KCNA2: variants seen among roughly 807,000 people sequenced by gnomAD.
KCNA2 encodes the protein potassium voltage-gated channel subfamily A member 2, also known as potassium channel, voltage gated shaker related subfamily A, member 2.
Under a neutral mutation model 33.4 loss-of-function variants are expected in KCNA2, and 11 were observed. The ratio of observed to expected loss-of-function variants is 0.33; its 90% CI spans 0.21 to 0.55. KCNA2 has a LOEUF of 0.55. KCNA2 is among the 20% of genes least tolerant of loss of function. The pLI is 0.93. For missense variants in KCNA2, 291 were observed against 621.6 expected (o/e 0.47, Z 5.66); for synonymous variants, 222 against 231.3 (o/e 0.96, Z 0.37).
intron 1 of KCNA2, among the ~76,000 whole-genome samples, chr1:110,624,966 C>T (rs138580611): frequency 3.3e-5 from 5 of 152,322 alleles, no homozygotes; most frequent in African/African-American, 1.2e-4. Context: ...AAGCCTGGGG[C>T]TGCCAATAGA....
intron 1 of KCNA2, among the ~76,000 whole-genome samples, chr1:110,614,112 T>C (rs1438986054): frequency 3.3e-5 from 5 of 152,210 alleles, no homozygotes; most frequent in Non-Finnish European, 7.3e-5. Context: ...TCCCCTCCCC[T>C]GCACCTTGCA....
At position 110,601,679 on chromosome 1, in the gene KCNA2, AG is replaced by A; in HGVS notation, c.*1603del. 9.3e-7 allele frequency: 1 copy of A among 1,080,752 alleles called. No individual in the cohort carries two copies. Among genetic ancestry groups the A allele is most frequent in the South Asian group, 4.5e-5 (1 of 22,362 alleles). The allele number at this position is 1,080,752 out of a possible 1,614,324, so 66.9% of individuals were successfully genotyped here. ...AGGCAATGGCAGCAAACCCAGGCCC[AG>A]TGGGGTTACCAATGAGACAAATTAA... On this transcript the variant is annotated 3_prime_UTR_variant, in exon 3 of 3. Coordinates refer to ENST00000316361, the MANE Select transcript of KCNA2 (RefSeq NM_004974.4).
rs1206099671 is a variant in KCNA2, at chr1:110,603,341, T to C, written c.1442A>G (p.Asn481Ser). 6.2e-7 allele frequency: 1 copy of C among 1,613,768 alleles called. No individual in the cohort carries two copies. The highest frequency in any genetic ancestry group is 1.1e-5 in the South Asian group (1 of 90,916). ...ATAGTTTGTGTTAGCCAAGGTACAG[T>C]TGGCTGTTTTCAAGTTTTCCTCTCT... Reference protein sequence around the residue: ...DFREENLKTANCTLANTNYVN... With the variant: ...DFREENLKTASCTLANTNYVN... Residue 481 changes from asparagine to serine, a missense_variant, in exon 3 of 3, where the codon AAC (asparagine) becomes AGC (serine). Asn to Ser is a conservative substitution (Grantham distance 46, BLOSUM62 1). This residue lies in a region of KCNA2 where 65 missense variants were observed against 95.1 expected (regional missense o/e 0.68). Coordinates refer to ENST00000316361, the MANE Select transcript of KCNA2 (RefSeq NM_004974.4). The surrounding 1 kb of genome is among the most constrained non-coding windows in gnomAD (Gnocchi z 5.7).
At chr1:110,618,204 G>T (rs1308059346) in intron 1 of KCNA2, among the ~76,000 whole-genome samples, 1 of 152,132 alleles carries the variant, frequency 6.6e-6, no homozygotes, top group African/African-American at 2.4e-5. Context: ...AAAATTATCT[G>T]GGCATGATGG....
intron 1 of KCNA2, among the ~76,000 whole-genome samples, chr1:110,614,906 CAT>C (rs1352220787): frequency 6.6e-6 from 1 of 152,218 alleles, no homozygotes; most frequent in Non-Finnish European, 1.5e-5. Context: ...TACCCCAACA[CAT>C]GTCACTGCCT....
upstream of KCNA2, among the ~76,000 whole-genome samples, chr1:110,608,818 G>C (rs1275764036): frequency 1.3e-5 from 2 of 152,304 alleles, no homozygotes; most frequent in Non-Finnish European, 2.9e-5. Flanking sequence ...GCCCTCCTCT[G>C]AAAAATCAGG....
chr1:110,626,325 T>C (rs1650389713), intron 1 of KCNA2, among the ~76,000 whole-genome samples: 1 of 152,158 alleles, frequency 6.6e-6, no homozygotes, highest in African/African-American at 2.4e-5. Flanking sequence ...TCTGGATATA[T>C]TATAAAGTGA....
At position 110,599,471 on chromosome 1, in the gene KCNA2, G is replaced by A; in HGVS notation, c.*3812C>T. 1.0e-6 allele frequency: 1 copy of A among 985,436 alleles called. No individual in the cohort carries two copies. The highest frequency in any genetic ancestry group is 1.2e-6 in the Non-Finnish European group (1 of 829,948). The allele number at this position is 985,436 out of a possible 1,614,324, so 61.0% of individuals were successfully genotyped here. ...GGCATCCAGGGGAGCCCAACAAGAG[G>A]AAAAGGAAGAGCGTGCCCGGGATTG... On this transcript the variant is annotated 3_prime_UTR_variant, in exon 3 of 3. Coordinates refer to ENST00000316361, the MANE Select transcript of KCNA2 (RefSeq NM_004974.4).
chr1:110,605,259 C>G (rs546233969), intron 2 of KCNA2, 132 bp downstream of exon 2: 1 of 162,886 alleles, frequency 6.1e-6, no homozygotes, highest in South Asian at 1.8e-4. Context: ...CTCCCAGGTG[C>G]TGCACTAATG....
Position 110,602,238 on chromosome 1 carries a change from T to G in KCNA2, c.*1045A>C. 1.5e-6 allele frequency: 2 copies of G among 1,293,000 alleles called. No individual in the cohort carries two copies. Among genetic ancestry groups the G allele is most frequent in the Non-Finnish European group, 2.0e-6 (2 of 1,008,974 alleles). 80.1% of individuals were successfully genotyped at this position (1,293,000 alleles called of 1,614,324 possible). On this transcript the variant is annotated 3_prime_UTR_variant, in exon 3 of 3. Coordinates refer to ENST00000316361, the MANE Select transcript of KCNA2 (RefSeq NM_004974.4). ...TTTTAGTTCCATTCCAAATAGTCTA[T>G]TTTTTTTCCCCTGATGGAGGGATTT...
In KCNA2 at chr1:110,602,738, T is replaced by C. The variant is rs953069919; in HGVS notation, c.*545A>G. On this transcript the variant is annotated 3_prime_UTR_variant, in exon 3 of 3. Transcript: ENST00000316361. ...AACACAAGCCTCCAGAGCATCTACT[T>C]GGCAACTGCAATTCACAAACTCCAG... The C allele has an allele frequency of 8.1e-6, 8 of 992,288 alleles. No individual in the cohort carries two copies. Among genetic ancestry groups the C allele is most frequent in the Non-Finnish European group, 9.6e-6 (8 of 834,520 alleles). 61.5% of individuals were successfully genotyped at this position (992,288 alleles called of 1,614,324 possible).
In KCNA2 at chr1:110,601,593, G is replaced by A; in HGVS notation, c.*1690C>T. 1 of 991,838 alleles carries A rather than the reference G, an allele frequency of 1.0e-6. No homozygotes were observed. The highest frequency in any genetic ancestry group is 1.2e-6 in the Non-Finnish European group (1 of 834,264). The allele number at this position is 991,838 out of a possible 1,614,324, so 61.4% of individuals were successfully genotyped here. A position where few individuals can be genotyped will look rare whatever the true frequency, so the allele number is the denominator to read the frequency against. On this transcript the variant is annotated 3_prime_UTR_variant, in exon 3 of 3. Transcript: ENST00000316361. Reference sequence around the variant, plus strand: ...TTCAGCCATGGGAACTGAAGCTGCAGCACATGGAGGGCAGAAAGACAATTC... The same window carrying A: ...TTCAGCCATGGGAACTGAAGCTGCAACACATGGAGGGCAGAAAGACAATTC...
At chr1:110,620,871 C>T (rs1650239767) in intron 1 of KCNA2, among the ~76,000 whole-genome samples, 2 of 152,220 alleles carry the variant, frequency 1.3e-5, no homozygotes, top group Admixed American at 6.5e-5. Flanking sequence ...CGTCTATCCA[C>T]CGTTAACAAC....
chr1:110,623,575 T>C (rs565212847), intron 1 of KCNA2, among the ~76,000 whole-genome samples: 5 of 152,208 alleles, frequency 3.3e-5, no homozygotes, highest in Non-Finnish European at 5.9e-5. Context: ...AATTACTTTT[T>C]GTAGAGACAA....
chr1:110,611,292 A>G (rs1032339195), upstream of KCNA2, among the ~76,000 whole-genome samples: 2 of 152,200 alleles, frequency 1.3e-5, no homozygotes, highest in Non-Finnish European at 2.9e-5. Context: ...TTACCTCCAA[A>G]GTCAAGGTCA....
chr1:110,594,178 G>A lies in KCNA2; in HGVS notation c.*9105C>T. 2 of 1,256,326 alleles carry A rather than the reference G, an allele frequency of 1.6e-6. No homozygotes were observed. The highest frequency in any genetic ancestry group is 1.0e-6 in the Non-Finnish European group (1 of 998,346). The allele number at this position is 1,256,326 out of a possible 1,614,324, so 77.8% of individuals were successfully genotyped here. ...CAGCAATTATTAGAGACAGGACATGGGAGGGCAGCTGAAGATTCATGCACA... is the reference window on the plus strand; with the variant it reads ...CAGCAATTATTAGAGACAGGACATGAGAGGGCAGCTGAAGATTCATGCACA... On this transcript the variant is annotated 3_prime_UTR_variant, in exon 3 of 3. Transcript: ENST00000316361.
At chr1:110,609,197 A>G (rs912932325), upstream of KCNA2, among the ~76,000 whole-genome samples, 1 of 152,138 alleles carries the variant, frequency 6.6e-6, no homozygotes, top group Admixed American at 6.5e-5. Flanking sequence ...AAAGTCAGAT[A>G]ATCCTGTGTG....
At chr1:110,624,210 T>C (rs1311926095) in intron 1 of KCNA2, among the ~76,000 whole-genome samples, 2 of 152,258 alleles carry the variant, frequency 1.3e-5, no homozygotes, top group Non-Finnish European at 2.9e-5. Context: ...ATAGCAGGAA[T>C]AGTCAATATA....
Position 110,602,402 on chromosome 1 carries a change from C to A in KCNA2, c.*881G>T. 7.2e-7 allele frequency: 1 copy of A among 1,380,322 alleles called. No individual in the cohort carries two copies. The highest frequency in any genetic ancestry group is 9.3e-7 in the Non-Finnish European group (1 of 1,069,932). The allele number at this position is 1,380,322 out of a possible 1,614,324, so 85.5% of individuals were successfully genotyped here. On this transcript the variant is annotated 3_prime_UTR_variant, in exon 3 of 3. Transcript: ENST00000316361. The stretch of plus-strand genomic sequence containing the variant: ...AATATTGAGATTCATGCAACAAACA[C>A]CCATGCAGCTCTATTGCATCACTGG...
Sources: gnomAD v4.1 joint callset for allele counts (sites outside exome capture counted in the v4.1 genomes callset) on GRCh38, gnomAD v4.1.1 for gene constraint, gnomAD v4.1.1 regional missense constraint, Gnocchi (gnomAD v3.1) non-coding constraint, MANE v1.5 for transcripts, NCBI Gene and HGNC (gene_info 2026-07-23, HGNC 2026-07-21) for gene names.